XYLT1: variants seen among roughly 807,000 people sequenced by gnomAD.
The protein encoded by XYLT1 is beta-D-xylosyltransferase 1.
XYLT1 carries 36 observed loss-of-function variants against 91.3 expected under a neutral mutation model. That is an observed-to-expected ratio of 0.39 (90% confidence interval 0.30 to 0.52). The LOEUF is 0.52. XYLT1 is among the 20% of genes least tolerant of loss of function. The probability of loss-of-function intolerance (pLI) is 0.68; values close to 1 mark genes in which losing one functional copy is unlikely to be tolerated. For synonymous variants in XYLT1, 588 were observed against 532.0 expected (o/e 1.11, Z -1.45); for missense variants, 1,242 against 1,284.5 (o/e 0.97, Z 0.51).
intron 3 of XYLT1, among the ~76,000 whole-genome samples, chr16:17,211,274 A>G (rs1207915296): frequency 1.3e-5 from 2 of 152,054 alleles, no homozygotes; most frequent in Non-Finnish European, 2.9e-5. Flanking sequence ...AAATGAGAGG[A>G]GGTAAAGGCA....
At chr16:17,454,967 T>C in intron 1 of XYLT1, among the ~76,000 whole-genome samples, 1 of 119,000 alleles carries the variant, frequency 8.4e-6, no homozygotes, top group African/African-American at 3.2e-5. Context: ...TCACAGGCCA[T>C]ATGAAAACAG....
At chr16:17,170,325 T>G (rs1420661660) in intron 5 of XYLT1, among the ~76,000 whole-genome samples, 1 of 152,238 alleles carries the variant, frequency 6.6e-6, no homozygotes, top group Admixed American at 6.5e-5. Context: ...TGCTTGACTG[T>G]AAGCTACCTG....
intron 4 of XYLT1, among the ~76,000 whole-genome samples, chr16:17,198,880 G>A (rs751935760): frequency 6.6e-6 from 1 of 152,142 alleles, no homozygotes; most frequent in East Asian, 1.9e-4. Context: ...AAGTAGCTGG[G>A]ATTACAAGTA....
At chr16:17,292,174 T>A (rs2034240089) in intron 2 of XYLT1, among the ~76,000 whole-genome samples, 1 of 152,028 alleles carries the variant, frequency 6.6e-6, no homozygotes, top group Non-Finnish European at 1.5e-5. Context: ...TTATATATAT[T>A]ATATATACAT....
At chr16:17,167,737 C>T (rs568630111) in intron 5 of XYLT1, among the ~76,000 whole-genome samples, 1 of 151,882 alleles carries the variant, frequency 6.6e-6, no homozygotes, top group South Asian at 2.1e-4. Flanking sequence ...TGGATTCTAA[C>T]CCATCCTTCC....
chr16:17,327,361 C>CTTTTTTTTT (rs138879762), intron 2 of XYLT1, among the ~76,000 whole-genome samples: 1 of 108,088 alleles, frequency 9.3e-6, no homozygotes, highest in Non-Finnish European at 1.9e-5. Context: ...TTTCTTTTTT[C>CTTTTTTTTT]TTTTTTTTTT....
intron 9 of XYLT1, among the ~76,000 whole-genome samples, chr16:17,131,997 A>G (rs2030500321): frequency 6.9e-6 from 1 of 145,656 alleles, no homozygotes. Context: ...AGGCAACGTG[A>G]CGGCTCACTT....
rs71137986 is a variant in XYLT1 at position 17,379,728 on chromosome 16, ATCTCTCTCTC to A, written c.364-21688_364-21679del. The stretch of plus-strand genomic sequence containing the variant: ...TCTCCACATCTATGAAATGAAGGAT[ATCTCTCTCTC>A]TCTCTCTCTCTCTCTCTCTCTCTCT... On this transcript the variant is annotated intron_variant, in intron 1 of 11. Transcript: ENST00000261381. 1.5e-3 allele frequency among the ~76,000 whole-genome samples: 185 copies of A among 125,870 alleles called. 1 individual carries two copies. Among genetic ancestry groups the A allele is most frequent in the Middle Eastern group, 4.0e-3 (1 of 252 alleles). The allele number at this position is 125,870 out of a possible 152,430, so 82.6% of individuals were successfully genotyped here.
At position 17,209,480 on chromosome 16, in the gene XYLT1, T is replaced by C. The variant is rs1273200006; in HGVS notation, c.914-8826A>G. ...TGAACATGGGTGTACAAGTACCTGT[T>C]TGAGTCACTGTTTCAATTCTTTGGA... On this transcript the variant is annotated intron_variant, in intron 3 of 11. Transcript: ENST00000261381. Among the ~76,000 whole-genome samples the C allele has an allele frequency of 3.3e-5, 5 of 152,250 alleles. No homozygotes were observed. The East Asian group carries it at 7.7e-4, about 23-fold the overall frequency.
At chr16:17,162,216 C>A (rs773845988) in intron 5 of XYLT1, among the ~76,000 whole-genome samples, 20 of 151,878 alleles carry the variant, frequency 1.3e-4, no homozygotes, top group Non-Finnish European at 2.6e-4. Context: ...GAGACCAGCC[C>A]GGCCAACATG....
chr16:17,310,907 A>T (rs1256409373), intron 2 of XYLT1, among the ~76,000 whole-genome samples: 2 of 152,132 alleles, frequency 1.3e-5, no homozygotes, highest in Non-Finnish European at 2.9e-5. Context: ...GTGTAGACAA[A>T]GAGGGTTTCT....
chr16:17,460,017 A>C (rs1315968384), intron 1 of XYLT1, among the ~76,000 whole-genome samples: 1 of 152,222 alleles, frequency 6.6e-6, no homozygotes, highest in African/African-American at 2.4e-5. Flanking sequence ...TGAGCTTCAA[A>C]GCACTTTCTC....
intron 3 of XYLT1, among the ~76,000 whole-genome samples, chr16:17,239,634 A>T (rs1247395801): frequency 1.3e-5 from 2 of 149,990 alleles, no homozygotes; most frequent in Non-Finnish European, 3.0e-5. Context: ...CCATTCATCC[A>T]TCCACTCATC....
intron 8 of XYLT1, 44 bp downstream of exon 8, chr16:17,138,311 G>GAAGGCATCACTTA: frequency 1.3e-6 from 2 of 1,585,678 alleles, no homozygotes; most frequent in Non-Finnish European, 1.7e-6. Context: ...GGTTTGTTGG[G>GAAGGCATCACTTA]AAGGCATCAC....
In XYLT1 at chr16:17,259,142, C is replaced by A. The variant is rs1469200652; in HGVS notation, c.759G>T (p.Gln253His). Reference protein sequence around the residue: ...GGSSPETKYDQPPKCDISGKE... With the variant: ...GGSSPETKYDHPPKCDISGKE... ...TGCCTGAGATGTCACACTTAGGGGG[C>A]TGGTCATACTTGGTCTCGGGGGAGC... Residue 253 changes from glutamine (Q) to histidine (H), a missense_variant, in exon 3 of 12, where the codon CAG becomes CAT. Gln to His is a conservative substitution (Grantham distance 24). Transcript: ENST00000261381. The A allele has an allele frequency of 5.0e-6, 8 of 1,591,628 alleles. No homozygotes were observed. Among genetic ancestry groups the A allele is most frequent in the Non-Finnish European group, 6.8e-6 (8 of 1,168,772 alleles).
intron 2 of XYLT1, among the ~76,000 whole-genome samples, chr16:17,305,769 G>A (rs558011285): frequency 5.9e-5 from 9 of 152,116 alleles, no homozygotes; most frequent in Admixed American, 6.6e-5. Context: ...ATAAGGACCC[G>A]GCAAACCCCA....
intron 1 of XYLT1, among the ~76,000 whole-genome samples, chr16:17,424,793 G>A (rs566147389): frequency 4.0e-5 from 6 of 150,852 alleles, no homozygotes; most frequent in Non-Finnish European, 5.9e-5. Flanking sequence ...GCTTGAACCC[G>A]GGAGGCAGAG....
intron 1 of XYLT1, among the ~76,000 whole-genome samples, chr16:17,464,885 G>A (rs2036868657): frequency 6.6e-6 from 1 of 151,992 alleles, no homozygotes; most frequent in South Asian, 2.1e-4. Context: ...AGTGGCTCAG[G>A]CCTGTAGTCC....
At chr16:17,270,225 C>T (rs1377870275) in intron 2 of XYLT1, among the ~76,000 whole-genome samples, 1 of 152,244 alleles carries the variant, frequency 6.6e-6, no homozygotes, top group African/African-American at 2.4e-5. Flanking sequence ...TGTGCCCTTA[C>T]CCCTTTCATA....
Sources: gnomAD v4.1 joint callset for allele counts (sites outside exome capture counted in the v4.1 genomes callset) on GRCh38, gnomAD v4.1.1 for gene constraint, MANE v1.5 for transcripts, NCBI Gene and HGNC (gene_info 2026-07-23, HGNC 2026-07-21) for gene names.